GPR19: variants seen among roughly 807,000 people sequenced by gnomAD.
The protein encoded by GPR19 is G protein-coupled receptor 19.
In GPR19, 14 loss-of-function variants were observed where a neutral mutation model predicts 28.5. The ratio of observed to expected loss-of-function variants is 0.49; its 90% CI spans 0.32 to 0.77. The LOEUF (loss-of-function observed/expected upper bound fraction) is 0.77, where lower values mean the gene tolerates loss of function less well. Ranked by LOEUF, GPR19 falls within the 30% of genes least tolerant of loss-of-function variation. The probability of loss-of-function intolerance (pLI) is 0.03; values close to 1 mark genes in which losing one functional copy is unlikely to be tolerated. For missense variants in GPR19, 409 were observed against 504.1 expected (o/e 0.81, Z 1.81); for synonymous variants, 173 against 184.1 (o/e 0.94, Z 0.49).
the GPR19 span, among the ~76,000 whole-genome samples, chr12:12,714,181 CAGA>C: frequency 6.6e-6 from 1 of 152,192 alleles, no homozygotes; most frequent in Admixed American, 6.5e-5. Flanking sequence ...TTAAAAGTGT[CAGA>C]AGGAGATGAC....
At chr12:12,686,946 GATGGTCATAAAAC>G (rs1447581971) in intron 2 of GPR19, among the ~76,000 whole-genome samples, 1 of 152,136 alleles carries the variant, frequency 6.6e-6, no homozygotes, top group Non-Finnish European at 1.5e-5. Flanking sequence ...TTTTATTAAG[GATGGTCATAAAAC>G]ATGTTACATA....
intron 3 of GPR19, among the ~76,000 whole-genome samples, chr12:12,668,571 C>T (rs1945812660): frequency 6.6e-6 from 1 of 151,666 alleles, no homozygotes; most frequent in Non-Finnish European, 1.5e-5. Context: ...TAAAGATTCA[C>T]AAACATTCTC....
chr12:12,678,895 G>A (rs113137930), intron 3 of GPR19, among the ~76,000 whole-genome samples: 3 of 152,226 alleles, frequency 2.0e-5, no homozygotes, highest in African/African-American at 7.2e-5. Context: ...CTCCTGGGTT[G>A]GAGAGATTCT....
chr12:12,713,057 C>CTTTTTTTTTTTTTTTTT, the GPR19 span, among the ~76,000 whole-genome samples: 2 of 108,088 alleles, frequency 1.9e-5, 1 homozygote. Flanking sequence ...ATCTGATGCG[C>CTTTTTTTTTTTTTTTTT]TTTTTTTTTT....
chr12:12,683,031 G>A (rs1206000583), intron 3 of GPR19, among the ~76,000 whole-genome samples: 1 of 152,074 alleles, frequency 6.6e-6, no homozygotes, highest in Non-Finnish European at 1.5e-5. Flanking sequence ...TGAGAACTAG[G>A]TAGGTGCTTT....
chr12:12,702,241 A>T, the GPR19 span, among the ~76,000 whole-genome samples: 1 of 151,546 alleles, frequency 6.6e-6, no homozygotes, highest in African/African-American at 2.4e-5. Context: ...AAATAATAGA[A>T]TACTAATAGA....
chr12:12,702,873 C>T, the GPR19 span, among the ~76,000 whole-genome samples: 1 of 152,084 alleles, frequency 6.6e-6, no homozygotes, highest in African/African-American at 2.4e-5. Context: ...TTGGATGTAC[C>T]GTATACTGAC....
chr12:12,689,287 A>T (rs1004610666), intron 2 of GPR19, among the ~76,000 whole-genome samples: 2 of 152,174 alleles, frequency 1.3e-5, no homozygotes, highest in African/African-American at 4.8e-5. Flanking sequence ...ATTCAACATG[A>T]TATTTGGCAG....
chr12:12,685,929 G>A (rs74719001), intron 2 of GPR19, among the ~76,000 whole-genome samples: 12 of 152,126 alleles, frequency 7.9e-5, no homozygotes, highest in African/African-American at 2.2e-4. Flanking sequence ...CCTGACTGTC[G>A]ATGCTAGGAA....
chr12:12,669,048 A>C (rs917997328), intron 3 of GPR19: 1 of 152,368 alleles, frequency 6.6e-6, no homozygotes, highest in Non-Finnish European at 1.5e-5. Context: ...TTGGCTGTAC[A>C]TGGGTAAGTC....
rs1946254103 is a variant in GPR19 at position 12,696,049 on chromosome 12, G to A, written c.-233+16C>T. The A allele has an allele frequency of 6.6e-6, 1 of 152,208 alleles. No homozygotes were observed. Among genetic ancestry groups the A allele is most frequent in the Non-Finnish European group, 1.5e-5 (1 of 68,050 alleles). The allele number at this position is 152,208 out of a possible 1,614,324, so 9.4% of individuals were successfully genotyped here. A position where few individuals can be genotyped will look rare whatever the true frequency, so the allele number is the denominator to read the frequency against. ...TTCACGGCCAATATAAAAACGGAAA[G>A]AAGGGATGACCATACGAGCTTGTGG... On this transcript the variant is annotated intron_variant, in intron 1 of 3. Transcript: ENST00000651487.
intron 3 of GPR19, among the ~76,000 whole-genome samples, chr12:12,666,272 T>G (rs1016998836): frequency 6.6e-6 from 1 of 152,246 alleles, no homozygotes; most frequent in Non-Finnish European, 1.5e-5. Context: ...TTATATTTGC[T>G]GCATTCATGG....
chr12:12,682,699 G>A (rs959521893), intron 3 of GPR19, among the ~76,000 whole-genome samples: 2 of 152,110 alleles, frequency 1.3e-5, no homozygotes, highest in African/African-American at 4.8e-5. Context: ...AAAGTACTGC[G>A]CAATGAAACC....
chr12:12,663,512 T>A (rs1945713424), intron 3 of GPR19, among the ~76,000 whole-genome samples: 1 of 152,168 alleles, frequency 6.6e-6, no homozygotes, highest in African/African-American at 2.4e-5. Flanking sequence ...AAAGAATATT[T>A]TAAAGTTTAG....
chr12:12,684,041 AGTTG>A (rs1325422994), intron 3 of GPR19: 1 of 152,226 alleles, frequency 6.6e-6, no homozygotes, highest in African/African-American at 2.4e-5. Context: ...GATGAAACCT[AGTTG>A]GTTTCGGTAA....
chr12:12,703,037 T>C, the GPR19 span, among the ~76,000 whole-genome samples: 4 of 152,216 alleles, frequency 2.6e-5, no homozygotes, highest in Non-Finnish European at 5.9e-5. Flanking sequence ...GTTCCAGCTT[T>C]TCCCACAGAG....
intron 3 of GPR19, among the ~76,000 whole-genome samples, chr12:12,666,097 G>T (rs1268767765): frequency 6.6e-6 from 1 of 152,120 alleles, no homozygotes; most frequent in Non-Finnish European, 1.5e-5. Context: ...GAGAGAGATA[G>T]CATGTGGATT....
the GPR19 span, among the ~76,000 whole-genome samples, chr12:12,714,405 G>A: frequency 6.6e-6 from 1 of 152,192 alleles, no homozygotes; most frequent in African/African-American, 2.4e-5. Flanking sequence ...GACGCTGGCG[G>A]CTTGCTCATT....
chr12:12,709,399 A>G, the GPR19 span, among the ~76,000 whole-genome samples: 15 of 152,150 alleles, frequency 9.9e-5, no homozygotes, highest in African/African-American at 3.6e-4. Flanking sequence ...GACACTCTGC[A>G]GACAGACATT....
Sources: gnomAD v4.1 joint callset for allele counts (sites outside exome capture counted in the v4.1 genomes callset) on GRCh38, gnomAD v4.1.1 for gene constraint, MANE v1.5 for transcripts, NCBI Gene and HGNC (gene_info 2026-07-23, HGNC 2026-07-21) for gene names.